KHDRBS2: variants seen among roughly 807,000 people sequenced by gnomAD.
KHDRBS2 encodes the protein KH RNA binding domain containing, signal transduction associated 2.
A neutral mutation model predicts 44.3 loss-of-function variants in KHDRBS2; 26 were observed. The observed-to-expected ratio is 0.59, with a 90% CI of 0.43 to 0.81. The LOEUF (loss-of-function observed/expected upper bound fraction) is 0.81, where lower values mean the gene tolerates loss of function less well. KHDRBS2 is among the 40% of genes least tolerant of loss of function. KHDRBS2 has a pLI of 0.00. For missense variants in KHDRBS2, 476 were observed against 433.1 expected (o/e 1.10, Z -0.88); for synonymous variants, 194 against 151.1 (o/e 1.28, Z -2.08).
the KHDRBS2 span, among the ~76,000 whole-genome samples, chr6:61,641,025 T>C: frequency 2.6e-5 from 4 of 152,250 alleles, no homozygotes; most frequent in South Asian, 4.1e-4. Context: ...CACAAAAGCA[T>C]AAAATCTAAG....
At chr6:61,631,305 C>CAAAAAAAAAAAAAAAA in the KHDRBS2 span, among the ~76,000 whole-genome samples, 3 of 66,992 alleles carry the variant, frequency 4.5e-5, no homozygotes, top group East Asian at 5.3e-4. Context: ...ACGAATAAGC[C>CAAAAAAAAAAAAAAAA]AAAAAAAAAA....
At chr6:61,643,017 G>A in the KHDRBS2 span, among the ~76,000 whole-genome samples, 1 of 152,130 alleles carries the variant, frequency 6.6e-6, no homozygotes, top group Non-Finnish European at 1.5e-5. Flanking sequence ...GGCTCACAAA[G>A]GTGGCCACTT....
the KHDRBS2 span, among the ~76,000 whole-genome samples, chr6:61,587,363 A>ATCTCTC: frequency 0.14 from 20,594 of 149,596 alleles, 1,518 homozygotes; most frequent in Non-Finnish European, 0.18. Context: ...GCTTTTTTTT[A>ATCTCTC]TCTCTCTCTC....
intron 6 of KHDRBS2, among the ~76,000 whole-genome samples, chr6:61,743,884 G>GT (rs1179856020): frequency 6.7e-6 from 1 of 150,006 alleles, no homozygotes; most frequent in Non-Finnish European, 1.5e-5. Context: ...GCGGTGTTTG[G>GT]TTTTTTGTCC....
At chr6:61,778,515 G>T (rs1031807495) in intron 6 of KHDRBS2, among the ~76,000 whole-genome samples, 1 of 152,030 alleles carries the variant, frequency 6.6e-6, no homozygotes, top group Non-Finnish European at 1.5e-5. Context: ...ACTTACAGAG[G>T]AGAATATTAG....
intron 6 of KHDRBS2, among the ~76,000 whole-genome samples, chr6:61,836,913 C>T (rs16900008): frequency 0.015 from 2,288 of 152,044 alleles, 61 homozygotes; most frequent in African/African-American, 0.052. Context: ...AGATAGAATG[C>T]TATTTTTTAA....
intron 6 of KHDRBS2, among the ~76,000 whole-genome samples, chr6:61,862,116 C>T (rs1797076847): frequency 6.6e-6 from 1 of 151,756 alleles, no homozygotes; most frequent in African/African-American, 2.4e-5. Flanking sequence ...TTGTAGGACT[C>T]AGATAGCTGG....
intron 2 of KHDRBS2, among the ~76,000 whole-genome samples, chr6:62,089,975 C>T (rs994484628): frequency 2.6e-5 from 4 of 152,086 alleles, no homozygotes; most frequent in Non-Finnish European, 4.4e-5. Context: ...TGCATGTTGA[C>T]TGGGGCGTCC....
At chr6:61,749,301 C>T (rs1226271461) in intron 6 of KHDRBS2, among the ~76,000 whole-genome samples, 4 of 152,256 alleles carry the variant, frequency 2.6e-5, no homozygotes, top group South Asian at 2.1e-4. Context: ...GCGTGAGCCA[C>T]CGTGCCCCGC....
intron 6 of KHDRBS2, among the ~76,000 whole-genome samples, chr6:61,872,472 TATAAAC>T (rs1157916438): frequency 3.3e-5 from 5 of 152,100 alleles, no homozygotes; most frequent in African/African-American, 1.2e-4. Context: ...ATACAATACA[TATAAAC>T]AGAATAATGA....
chr6:62,105,505 G>A (rs1231723343), intron 2 of KHDRBS2, among the ~76,000 whole-genome samples: 1 of 152,076 alleles, frequency 6.6e-6, no homozygotes. Context: ...TTTAGTCTTG[G>A]GAGGGTGTAT....
chr6:61,686,356 C>T (rs1290075181), intron 8 of KHDRBS2, among the ~76,000 whole-genome samples: 1 of 151,728 alleles, frequency 6.6e-6, no homozygotes, highest in Admixed American at 6.6e-5. Context: ...TTCATCCTGG[C>T]TTTGAGCCAC....
chr6:61,544,801 A>G, the KHDRBS2 span, among the ~76,000 whole-genome samples: 2 of 152,070 alleles, frequency 1.3e-5, no homozygotes, highest in South Asian at 2.1e-4. Flanking sequence ...GAAGCTGGAA[A>G]CCATCATTCT....
the KHDRBS2 span, among the ~76,000 whole-genome samples, chr6:61,660,346 T>C: frequency 1.3e-5 from 2 of 151,784 alleles, no homozygotes; most frequent in Admixed American, 1.3e-4. Flanking sequence ...ACAATGTTTC[T>C]ATAGTATCCA....
At chr6:62,059,455 T>C (rs1392841147) in intron 2 of KHDRBS2, among the ~76,000 whole-genome samples, 3 of 151,172 alleles carry the variant, frequency 2.0e-5, no homozygotes, top group Non-Finnish European at 4.4e-5. Flanking sequence ...GAAAAGGAGA[T>C]GAGACTGAAG....
intron 1 of KHDRBS2, among the ~76,000 whole-genome samples, chr6:62,182,012 A>AC (rs1822413666): frequency 6.6e-6 from 1 of 151,930 alleles, no homozygotes; most frequent in Admixed American, 6.6e-5. Context: ...GAGCTCATTC[A>AC]CCCCTTCAAC....
At chr6:62,047,834 G>T in intron 3 of KHDRBS2, 44 bp downstream of exon 3, 2 of 1,271,068 alleles carry the variant, frequency 1.6e-6, no homozygotes, top group Non-Finnish European at 2.3e-6. Flanking sequence ...AGTGTTATAG[G>T]TAACCTCCTG....
intron 7 of KHDRBS2, among the ~76,000 whole-genome samples, chr6:61,726,428 T>C (rs577345070): frequency 1.3e-5 from 2 of 152,254 alleles, no homozygotes; most frequent in Admixed American, 1.3e-4. Context: ...GCCAGGGCAA[T>C]CAGGCAAGAG....
At chr6:62,009,601 G>C (rs1464907425) in intron 3 of KHDRBS2, among the ~76,000 whole-genome samples, 1 of 152,168 alleles carries the variant, frequency 6.6e-6, no homozygotes, top group East Asian at 1.9e-4. Context: ...AGAGGCCTAG[G>C]AGGAAAAGTG....
Sources: allele counts gnomAD v4.1 joint callset (sites outside exome capture counted in the v4.1 genomes callset), GRCh38; gene constraint gnomAD v4.1.1; transcripts MANE v1.5; gene names NCBI Gene and HGNC (gene_info 2026-07-23, HGNC 2026-07-21).